ARHGAP8: variants seen among roughly 807,000 people sequenced by gnomAD.
ARHGAP8 encodes Rho GTPase activating protein 8.
A neutral mutation model predicts 46.1 loss-of-function variants in ARHGAP8; 62 were observed. The observed-to-expected ratio is 1.34, with a 90% confidence interval of 1.10 to 1.66. The LOEUF is 1.66. Among genes scored for constraint, ARHGAP8 ranks in the 40% most tolerant of loss-of-function variants. The pLI is 0.00. For missense variants in ARHGAP8, 923 were observed against 568.4 expected (o/e 1.62, Z -6.34); for synonymous variants, 375 against 243.1 (o/e 1.54, Z -5.05).
chr22:44,761,968 C>A (rs1393824430), intron 1 of ARHGAP8, among the ~76,000 whole-genome samples: 1 of 152,206 alleles, frequency 6.6e-6, no homozygotes, highest in Non-Finnish European at 1.5e-5. Flanking sequence ...TGGGGGAACC[C>A]CCCCCAACTC....
chr22:44,820,563 G>A (rs1164163877), intron 5 of ARHGAP8, among the ~76,000 whole-genome samples: 1 of 152,158 alleles, frequency 6.6e-6, no homozygotes, highest in East Asian at 1.9e-4. Context: ...TCCTGCAGGG[G>A]TCCCACCAGC....
At chr22:44,795,907 C>T (rs1282605037) in intron 2 of ARHGAP8, among the ~76,000 whole-genome samples, 4 of 152,152 alleles carry the variant, frequency 2.6e-5, no homozygotes, top group Admixed American at 2.6e-4. Context: ...GCACAGGCAG[C>T]TCCTCCTCCT....
intron 2 of ARHGAP8, among the ~76,000 whole-genome samples, chr22:44,793,331 T>C (rs1420860551): frequency 6.6e-6 from 1 of 151,954 alleles, no homozygotes; most frequent in Non-Finnish European, 1.5e-5. Context: ...CTCAGAGACG[T>C]GGAGGGTGGT....
rs1930224737 is a variant in ARHGAP8, at chr22:44,822,460, A to C, written c.476A>C (p.Glu159Ala). The C allele has an allele frequency of 6.4e-7, 1 of 1,554,868 alleles. No homozygotes were observed. Among genetic ancestry groups the C allele is most frequent in the African/African-American group, 1.4e-5 (1 of 70,630 alleles). ...TACGACCAGCTGGTCATCCCTCCCG[A>C]AGTTTTGCGGTAAGTGCCTGTTAGA... Reference protein sequence around the residue: ...LKYDQLVIPPEVLRYDEKLQS... With the variant: ...LKYDQLVIPPAVLRYDEKLQS... The change falls in exon 6 of 12, where the codon GAA becomes GCA. Residue 159 changes from glutamate to alanine, a missense_variant. Glu to Ala is a moderately radical substitution (Grantham distance 107, BLOSUM62 -1). Transcript: ENST00000356099.
chr22:44,860,589 C>T (rs150908217), intron 11 of ARHGAP8, among the ~76,000 whole-genome samples: 56 of 152,060 alleles, frequency 3.7e-4, no homozygotes, highest in African/African-American at 1.3e-3. Context: ...AATAAGGTCA[C>T]AGTCAGATTC....
intron 1 of ARHGAP8, among the ~76,000 whole-genome samples, chr22:44,772,350 T>C (rs1245024805): frequency 9.6e-6 from 1 of 103,986 alleles, no homozygotes; most frequent in African/African-American, 3.7e-5. Flanking sequence ...ATTTTCTTTT[T>C]TCTTTTTTTT....
At chr22:44,795,264 G>A (rs572622009) in intron 2 of ARHGAP8, among the ~76,000 whole-genome samples, 172 of 152,164 alleles carry the variant, frequency 1.1e-3, no homozygotes, top group African/African-American at 4.0e-3. Context: ...TGAGGAACAG[G>A]GACGTGACCC....
At chr22:44,842,373 C>T (rs1373257906) in intron 7 of ARHGAP8, among the ~76,000 whole-genome samples, 1 of 152,000 alleles carries the variant, frequency 6.6e-6, no homozygotes, top group African/African-American at 2.4e-5. Flanking sequence ...AACAAACAAA[C>T]AAACAAAAAC....
chr22:44,855,430 G>T (rs2070196692), intron 10 of ARHGAP8, among the ~76,000 whole-genome samples: 1 of 152,100 alleles, frequency 6.6e-6, no homozygotes, highest in Non-Finnish European at 1.5e-5. Context: ...CTCCCAAAGT[G>T]CTGGGATGAC....
chr22:44,858,591 G>A (rs6007339), intron 10 of ARHGAP8, among the ~76,000 whole-genome samples: 21,481 of 139,062 alleles, frequency 0.15, 2,112 homozygotes, highest in African/African-American at 0.28. Context: ...GGCTGGTCTC[G>A]CACTCCTGAC....
intron 8 of ARHGAP8, 32 bp from the exon 9 acceptor site, chr22:44,847,941 C>T: frequency 1.9e-6 from 3 of 1,604,214 alleles, no homozygotes; most frequent in Non-Finnish European, 2.5e-6. Context: ...GGGCTGGGAC[C>T]TGTGAGATGC....
intron 2 of ARHGAP8, among the ~76,000 whole-genome samples, chr22:44,794,344 A>G (rs1927924066): frequency 6.6e-6 from 1 of 152,128 alleles, no homozygotes; most frequent in Admixed American, 6.5e-5. Flanking sequence ...TCAGCCAGGG[A>G]TTGGGCAGAG....
Position 44,845,310 on chromosome 22 carries a change from T to G in ARHGAP8, c.638T>G (p.Leu213Arg), listed in dbSNP as rs1177410798. ...CAAGGCGAACTCATCCCCCCTGTGCTGAGGTTCACAGTGACGTACCTGAGA... is the reference window on the plus strand; with the variant it reads ...CAAGGCGAACTCATCCCCCCTGTGCGGAGGTTCACAGTGACGTACCTGAGA... ...KNQGELIPPV[L>R]RFTVTYLREK... The change falls in exon 8 of 12, where the codon CTG (leucine) becomes CGG (arginine). Residue 213 changes from leucine (L) to arginine (R), a missense_variant. Leu to Arg is a moderately radical substitution (Grantham distance 102). Coordinates refer to ENST00000356099, the MANE Select transcript of ARHGAP8 (RefSeq NM_181335.3). The G allele has an allele frequency of 1.2e-6, 2 of 1,614,044 alleles. No individual in the cohort carries two copies. Among genetic ancestry groups the G allele is most frequent in the Non-Finnish European group, 1.7e-6 (2 of 1,180,032 alleles).
intron 1 of ARHGAP8, among the ~76,000 whole-genome samples, chr22:44,771,508 A>G (rs1925998162): frequency 1.3e-5 from 2 of 148,274 alleles, no homozygotes; most frequent in African/African-American, 5.0e-5. Flanking sequence ...CGGCCTCCCA[A>G]AGTGCTGGGA....
intron 11 of ARHGAP8, among the ~76,000 whole-genome samples, chr22:44,860,648 G>C (rs2070431814): frequency 6.6e-6 from 1 of 151,582 alleles, no homozygotes; most frequent in Non-Finnish European, 1.5e-5. Context: ...TACACACCAG[G>C]CTAAGCAAAT....
At chr22:44,770,026 A>C (rs902621722) in intron 1 of ARHGAP8, among the ~76,000 whole-genome samples, 1 of 152,162 alleles carries the variant, frequency 6.6e-6, no homozygotes, top group Non-Finnish European at 1.5e-5. Flanking sequence ...CAGGTGGATC[A>C]CGAGGTCAGG....
intron 2 of ARHGAP8, among the ~76,000 whole-genome samples, chr22:44,793,842 T>C (rs766190660): frequency 6.6e-6 from 1 of 152,238 alleles, no homozygotes; most frequent in Non-Finnish European, 1.5e-5. Context: ...CTGGTTTTGA[T>C]GTGCTGGCCT....
intron 1 of ARHGAP8, among the ~76,000 whole-genome samples, chr22:44,777,564 G>A (rs568382444): frequency 5.0e-4 from 76 of 151,696 alleles, no homozygotes; most frequent in Non-Finnish European, 1.0e-3. Flanking sequence ...CCTACTGCTC[G>A]TTACCCATTT....
chr22:44,821,163 G>A (rs574196948), intron 5 of ARHGAP8, among the ~76,000 whole-genome samples: 3 of 152,152 alleles, frequency 2.0e-5, no homozygotes, highest in Non-Finnish European at 4.4e-5. Context: ...CAGGCACGGT[G>A]GCTCATGCCT....
Sources: gnomAD v4.1 joint callset for allele counts (sites outside exome capture counted in the v4.1 genomes callset) on GRCh38, gnomAD v4.1.1 for gene constraint, MANE v1.5 for transcripts, NCBI Gene and HGNC (gene_info 2026-07-23, HGNC 2026-07-21) for gene names.